GRM7: variants seen among roughly 807,000 people sequenced by gnomAD.
GRM7 encodes the protein metabotropic glutamate receptor 7.
A neutral mutation model predicts 84.5 loss-of-function variants in GRM7; 35 were observed. The observed-to-expected ratio is 0.41, with a 90% CI of 0.32 to 0.55. The LOEUF is 0.55. Ranked by LOEUF, GRM7 falls within the 20% of genes least tolerant of loss-of-function variation. The pLI is 0.19. For missense variants in GRM7, 1,003 were observed against 1,194.6 expected (o/e 0.84, Z 2.36); for synonymous variants, 487 against 455.1 (o/e 1.07, Z -0.89).
chr3:6,942,927 G>A (rs1367544099), intron 1 of GRM7, among the ~76,000 whole-genome samples: 1 of 152,006 alleles, frequency 6.6e-6, no homozygotes, highest in Non-Finnish European at 1.5e-5. Context: ...AGTATGCATG[G>A]AGTGATATCT....
intron 2 of GRM7, among the ~76,000 whole-genome samples, chr3:7,184,618 A>G (rs761688880): frequency 2.8e-4 from 43 of 152,188 alleles, no homozygotes; most frequent in Admixed American, 6.5e-4. Context: ...GTGTCATGGT[A>G]CTTTCCATGC....
At chr3:7,646,926 C>T (rs4686147) in intron 8 of GRM7, among the ~76,000 whole-genome samples, 1 of 151,912 alleles carries the variant, frequency 6.6e-6, no homozygotes, top group Non-Finnish European at 1.5e-5. Flanking sequence ...GGCTGAGGCA[C>T]GAACAGGGTC....
At chr3:7,279,886 T>A (rs1699197645) in intron 2 of GRM7, among the ~76,000 whole-genome samples, 1 of 152,168 alleles carries the variant, frequency 6.6e-6, no homozygotes, top group African/African-American at 2.4e-5. Flanking sequence ...TGGTTAAGAT[T>A]TTTTCTGCTA....
At chr3:7,349,316 C>T (rs1693029952) in intron 4 of GRM7, among the ~76,000 whole-genome samples, 1 of 152,102 alleles carries the variant, frequency 6.6e-6, no homozygotes, top group Admixed American at 6.6e-5. Flanking sequence ...TTTCAGGTTG[C>T]TGTAACATGT....
At chr3:7,039,936 T>C (rs1275065728) in intron 1 of GRM7, among the ~76,000 whole-genome samples, 1 of 152,240 alleles carries the variant, frequency 6.6e-6, no homozygotes, top group Admixed American at 6.5e-5. Context: ...TTAAAAATGA[T>C]GATTTTTGCC....
chr3:7,654,904 T>A (rs1428503163), intron 8 of GRM7, among the ~76,000 whole-genome samples: 2 of 152,208 alleles, frequency 1.3e-5, no homozygotes, highest in Non-Finnish European at 2.9e-5. Context: ...CTCTACTACC[T>A]AAGAAGACTG....
intron 4 of GRM7, among the ~76,000 whole-genome samples, chr3:7,405,535 T>C (rs1446134908): frequency 6.6e-6 from 1 of 152,134 alleles, no homozygotes; most frequent in Admixed American, 6.6e-5. Context: ...AGCGGTGACA[T>C]GAGTATATTT....
intron 9 of GRM7, among the ~76,000 whole-genome samples, chr3:7,714,166 G>A (rs1305057390): frequency 1.3e-5 from 2 of 152,174 alleles, no homozygotes; most frequent in Non-Finnish European, 2.9e-5. Context: ...CATCCAGAAG[G>A]CTTGGAATTA....
At chr3:7,169,505 G>A (rs1559482062) in intron 2 of GRM7, among the ~76,000 whole-genome samples, 1 of 152,138 alleles carries the variant, frequency 6.6e-6, no homozygotes, top group Non-Finnish European at 1.5e-5. Context: ...GGGATAGTGG[G>A]AAACACTGTG....
At chr3:7,268,257 T>C (rs1043996182) in intron 2 of GRM7, among the ~76,000 whole-genome samples, 5 of 151,690 alleles carry the variant, frequency 3.3e-5, no homozygotes, top group Non-Finnish European at 7.4e-5. Context: ...ATCCCAGCAC[T>C]TCGGTGGGCC....
At chr3:7,252,016 C>T (rs1398029865) in intron 2 of GRM7, among the ~76,000 whole-genome samples, 4 of 152,088 alleles carry the variant, frequency 2.6e-5, no homozygotes, top group Admixed American at 2.0e-4. Context: ...CATAGGGAAT[C>T]CATTCTCTGT....
chr3:7,293,659 G>A (rs915226659), intron 2 of GRM7, among the ~76,000 whole-genome samples: 1 of 152,168 alleles, frequency 6.6e-6, no homozygotes, highest in African/African-American at 2.4e-5. Flanking sequence ...AATGTAGTGT[G>A]CTGAATTATC....
chr3:7,359,092 A>ACTCAGTCCACGCCTTGTTGT (rs1693542995), intron 4 of GRM7, among the ~76,000 whole-genome samples: 3 of 139,786 alleles, frequency 2.1e-5, no homozygotes, highest in African/African-American at 2.8e-5. Flanking sequence ...AGCCTGAGTG[A>ACTCAGTCCACGCCTTGTTGT]TAGAGTGAGA....
At chr3:7,293,034 CAAAA>C (rs142561309) in intron 2 of GRM7, among the ~76,000 whole-genome samples, 1 of 120,606 alleles carries the variant, frequency 8.3e-6, no homozygotes, top group African/African-American at 3.1e-5. Flanking sequence ...GACTTGGTCT[CAAAA>C]AAAAAAAAAA....
At chr3:7,546,349 G>A (rs952923400) in intron 7 of GRM7, among the ~76,000 whole-genome samples, 3 of 152,092 alleles carry the variant, frequency 2.0e-5, no homozygotes, top group African/African-American at 7.3e-5. Flanking sequence ...CCTGACCATG[G>A]CAGTAGGATG....
At chr3:7,369,682 G>T (rs1359927293) in intron 4 of GRM7, among the ~76,000 whole-genome samples, 1 of 151,988 alleles carries the variant, frequency 6.6e-6, no homozygotes, top group Admixed American at 6.6e-5. Flanking sequence ...AATTTATTTT[G>T]TTCTTTTTCC....
chr3:7,101,812 A>G (rs1699117852), intron 1 of GRM7, among the ~76,000 whole-genome samples: 1 of 148,086 alleles, frequency 6.8e-6, no homozygotes, highest in South Asian at 2.1e-4. Context: ...ATAAATATAT[A>G]TTTATATCTG....
At chr3:7,456,935 T>A (rs979831643) in intron 6 of GRM7, among the ~76,000 whole-genome samples, 5 of 152,128 alleles carry the variant, frequency 3.3e-5, no homozygotes, top group Non-Finnish European at 7.4e-5. Flanking sequence ...TTGACATGTT[T>A]TACTCATTCA....
At chr3:7,441,150 C>G (rs1472925921) in intron 5 of GRM7, among the ~76,000 whole-genome samples, 2 of 151,942 alleles carry the variant, frequency 1.3e-5, no homozygotes, top group African/African-American at 4.8e-5. Context: ...TGCAACCTCA[C>G]CAGCATCTGA....
Sources: gnomAD v4.1 joint callset for allele counts (sites outside exome capture counted in the v4.1 genomes callset) on GRCh38, gnomAD v4.1.1 for gene constraint, MANE v1.5 for transcripts, NCBI Gene and HGNC (gene_info 2026-07-23, HGNC 2026-07-21) for gene names.